The following CNTFR variants were observed in gnomAD, a reference collection of about 807,000 sequenced individuals.
CNTFR encodes the protein ciliary neurotrophic factor receptor.
Under a neutral mutation model 40.4 loss-of-function variants are expected in CNTFR, and 12 were observed. The observed-to-expected ratio is 0.30, with a 90% CI of 0.19 to 0.48. CNTFR has a LOEUF of 0.48. CNTFR is among the 20% of genes least tolerant of loss of function. The probability of loss-of-function intolerance (pLI) is 0.99; values close to 1 mark genes in which losing one functional copy is unlikely to be tolerated. For synonymous variants in CNTFR, 202 were observed against 209.6 expected (o/e 0.96, Z 0.31); for missense variants, 414 against 506.8 (o/e 0.82, Z 1.76).
chr9:34,590,166 G>GCACACA (rs3840739), upstream of CNTFR: 90 of 150,668 alleles, frequency 6.0e-4, no homozygotes, highest in East Asian at 0.011. Flanking sequence ...ACGCGCGCGC[G>GCACACA]CACACACACA....
chr9:34,567,276 T>A (rs1447126511), intron 3 of CNTFR, among the ~76,000 whole-genome samples: 4 of 152,030 alleles, frequency 2.6e-5, no homozygotes, highest in Admixed American at 6.6e-5. Flanking sequence ...AGAGACGGGA[T>A]GAGGTCATGG....
In CNTFR at chr9:34,552,988, G is replaced by C; in HGVS notation, c.769-134C>G. The C allele has an allele frequency of 6.6e-6, 5 of 756,542 alleles. No homozygotes were observed. The highest frequency in any genetic ancestry group is 1.8e-5 in the African/African-American group (1 of 56,494). The allele number at this position is 756,542 out of a possible 1,614,324, so 46.9% of individuals were successfully genotyped here. On this transcript the variant is annotated intron_variant, in intron 7 of 9. Transcript: ENST00000378980. This position sits in a 1 kb window ranked among gnomAD's most constrained non-coding sequence, Gnocchi z 5.1. ...TGGGGGCAGTGAGGACTTCCCTGAGGAGAAGGAGGACATGGAGAATATTCT... is the reference window on the plus strand; with the variant it reads ...TGGGGGCAGTGAGGACTTCCCTGAGCAGAAGGAGGACATGGAGAATATTCT...
chr9:34,559,836 G>A (rs971351028), intron 4 of CNTFR, among the ~76,000 whole-genome samples: 2 of 152,142 alleles, frequency 1.3e-5, no homozygotes, highest in African/African-American at 4.8e-5. Flanking sequence ...AGCGGGCCAC[G>A]GCACTGTACT....
chr9:34,585,039 C>A (rs575863880), intron 1 of CNTFR, among the ~76,000 whole-genome samples: 39 of 152,220 alleles, frequency 2.6e-4, no homozygotes, highest in Non-Finnish European at 5.9e-5. Context: ...CATGCCTCAA[C>A]ATTTATTGAG....
chr9:34,552,331 T>C lies in CNTFR; in HGVS notation c.950-2A>G. The C allele has an allele frequency of 6.5e-7, 1 of 1,534,942 alleles. No homozygotes were observed. Among genetic ancestry groups the C allele is most frequent in the Non-Finnish European group, 8.7e-7 (1 of 1,145,490 alleles). On this transcript the variant is annotated splice_acceptor_variant, in intron 8 of 9. Transcript: ENST00000378980. LOFTEE classifies it high-confidence loss of function. This position sits in a 1 kb window ranked among gnomAD's most constrained non-coding sequence, Gnocchi z 5.1. Reference sequence around the variant, plus strand: ...AGCTGGTGGTGCTGGTCGTGGTCTCTGGGGAACATGGGGGAAACTCAGGGC... The same window carrying C: ...AGCTGGTGGTGCTGGTCGTGGTCTCCGGGGAACATGGGGGAAACTCAGGGC...
intron 2 of CNTFR, among the ~76,000 whole-genome samples, chr9:34,580,366 C>T (rs1827222727): frequency 6.6e-6 from 1 of 152,164 alleles, no homozygotes; most frequent in South Asian, 2.1e-4. Flanking sequence ...TCCTCCTCTC[C>T]TGGGCCCCAG....
intron 3 of CNTFR, among the ~76,000 whole-genome samples, chr9:34,566,050 G>A (rs1045511341): frequency 5.3e-5 from 8 of 152,006 alleles, no homozygotes; most frequent in Non-Finnish European, 1.0e-4. Flanking sequence ...TCCTGTTAAC[G>A]AGCCAATTAA....
At chr9:34,565,512 G>C (rs1826247681) in intron 3 of CNTFR, among the ~76,000 whole-genome samples, 1 of 152,150 alleles carries the variant, frequency 6.6e-6, no homozygotes, top group Admixed American at 6.5e-5. Context: ...GAACCCTAGG[G>C]AACTCCTGGC....
In CNTFR at chr9:34,581,808, G is replaced by A. The variant is rs151000142; in HGVS notation, c.-111-603C>T. The stretch of plus-strand genomic sequence containing the variant: ...AGTTCCAGAGTCTAGATTTGAGTCC[G>A]TATCTAGTTCCAAAACCTTGCTGCT... On this transcript the variant is annotated intron_variant, in intron 1 of 9. Transcript: ENST00000378980. 4.5e-3 allele frequency among the ~76,000 whole-genome samples: 690 copies of A among 152,288 alleles called. 7 individuals carry two copies. Among genetic ancestry groups the A allele is most frequent in the African/African-American group, 0.016 (660 of 41,556 alleles).
chr9:34,573,083 A>G (rs1007171372), intron 2 of CNTFR, among the ~76,000 whole-genome samples: 1 of 152,222 alleles, frequency 6.6e-6, no homozygotes, highest in Non-Finnish European at 1.5e-5. Context: ...CCTGTTACCC[A>G]GTTTAAGAAT....
At chr9:34,562,866 C>T (rs1315724481) in intron 4 of CNTFR, among the ~76,000 whole-genome samples, 1 of 152,150 alleles carries the variant, frequency 6.6e-6, no homozygotes, top group African/African-American at 2.4e-5. Context: ...ATCCCTCTTC[C>T]AAATCACACT....
chr9:34,558,810 G>A (rs1825953979), intron 4 of CNTFR, among the ~76,000 whole-genome samples: 2 of 152,196 alleles, frequency 1.3e-5, no homozygotes, highest in Non-Finnish European at 2.9e-5. Flanking sequence ...GGCCCAGAGA[G>A]GGATAAGGAC....
chr9:34,582,879 C>T (rs1827372679), intron 1 of CNTFR: 1 of 152,198 alleles, frequency 6.6e-6, no homozygotes, highest in East Asian at 1.9e-4. Context: ...TGCAGACAGA[C>T]ACATATAGAC....
chr9:34,580,700 T>C (rs1194944338), intron 2 of CNTFR, among the ~76,000 whole-genome samples: 1 of 152,212 alleles, frequency 6.6e-6, no homozygotes, highest in Admixed American at 6.5e-5. Context: ...CAGAAGATTC[T>C]GGACTTTCTG....
intron 4 of CNTFR, among the ~76,000 whole-genome samples, chr9:34,559,097 C>G (rs1825964882): frequency 6.6e-6 from 1 of 152,164 alleles, no homozygotes; most frequent in African/African-American, 2.4e-5. Flanking sequence ...TCCCCCCTCC[C>G]CCGCCCCCGG....
chr9:34,559,052 C>T (rs1043022717), intron 4 of CNTFR, among the ~76,000 whole-genome samples: 6 of 152,292 alleles, frequency 3.9e-5, no homozygotes, highest in African/African-American at 4.8e-5. Flanking sequence ...TGTCCATCTG[C>T]GGCTCCAGGG....
Position 34,557,375 on chromosome 9 carries a change from G to A in CNTFR, c.604+151C>T. ...ACAGGTGTATATGTCATGCATATAT[G>A]TGCACATATATGTGCACTGTACATA... is the stretch of plus-strand genomic sequence containing the variant. On this transcript the variant is annotated intron_variant, in intron 6 of 9. Coordinates refer to ENST00000378980, the MANE Select transcript of CNTFR (RefSeq NM_147164.3). The surrounding 1 kb of genome is among the most constrained non-coding windows in gnomAD (Gnocchi z 4.2). The A allele has an allele frequency of 5.0e-6, 4 of 803,468 alleles. No homozygotes were observed. Among genetic ancestry groups the A allele is most frequent in the Non-Finnish European group, 3.9e-6 (2 of 510,006 alleles). The allele number at this position is 803,468 out of a possible 1,614,324, so 49.8% of individuals were successfully genotyped here.
intron 2 of CNTFR, among the ~76,000 whole-genome samples, chr9:34,577,768 G>GACCTCAGGAAGTCCCAGTCCCTCCC (rs1305087648): frequency 6.6e-6 from 1 of 152,232 alleles, no homozygotes; most frequent in African/African-American, 2.4e-5. Context: ...CCATCCCTGG[G>GACCTCAGGAAGTCCCAGTCCCTCCC]ACCTCAGGAA....
chr9:34,588,218 A>G (rs999320559), intron 1 of CNTFR, among the ~76,000 whole-genome samples: 1 of 152,186 alleles, frequency 6.6e-6, no homozygotes, highest in African/African-American at 2.4e-5. Context: ...CAGTGGAGAC[A>G]GAGAGGCATA....
Sources: gnomAD v4.1 joint callset for allele counts (sites outside exome capture counted in the v4.1 genomes callset) on GRCh38, gnomAD v4.1.1 for gene constraint, Gnocchi (gnomAD v3.1) non-coding constraint, MANE v1.5 for transcripts, NCBI Gene and HGNC (gene_info 2026-07-23, HGNC 2026-07-21) for gene names.